Variants in ST7L observed in about 807,000 individuals in gnomAD.
The protein encoded by ST7L is suppression of tumorigenicity 7 like, also known as suppressor of tumorigenicity 7 protein-like.
A neutral mutation model predicts 72.5 loss-of-function variants in ST7L; 57 were observed. The ratio of observed to expected loss-of-function variants is 0.79; its 90% CI spans 0.64 to 0.98. The LOEUF is 0.98. Among genes scored for constraint, ST7L ranks in the 50% least tolerant of loss-of-function variants. The pLI is 0.00. For synonymous variants in ST7L, 221 were observed against 240.9 expected (o/e 0.92, Z 0.77); for missense variants, 576 against 672.2 (o/e 0.86, Z 1.58).
In ST7L at chr1:112,618,987, A is replaced by G. The variant is rs1171694807; in HGVS notation, c.127T>C (p.Ser43Pro). The G allele has an allele frequency of 1.2e-6, 2 of 1,611,408 alleles. No homozygotes were observed. The highest frequency in any genetic ancestry group is 3.3e-5 in the Admixed American group (2 of 59,738). Residue 43 changes from serine (S) to proline (P), a missense_variant, in exon 1 of 15, where the codon TCG becomes CCG. By Grantham distance (74) the Ser-to-Pro change is moderately conservative. Transcript: ENST00000358039. ...CCCAGCCCCGCCACGAACCACAACG[A>G]GGCCCCAGTCCCCGCCAGCCCGGCC... ...LRAGLAGTGA[S>P]LWFVAGLGLL...
intron 11 of ST7L, among the ~76,000 whole-genome samples, chr1:112,568,658 T>C (rs1661473858): frequency 6.7e-6 from 1 of 149,884 alleles, no homozygotes; most frequent in African/African-American, 2.4e-5. Flanking sequence ...AAGAATACCT[T>C]ATAATAAAAA....
chr1:112,592,052 C>T (rs182077151), intron 5 of ST7L, among the ~76,000 whole-genome samples: 4 of 149,738 alleles, frequency 2.7e-5, no homozygotes, highest in Admixed American at 2.0e-4. Context: ...ATTCACTCTA[C>T]GAAGAATGTA....
chr1:112,607,947 A>T lies in ST7L; in HGVS notation c.451+2894T>A, dbSNP rs1054717784. Among the ~76,000 whole-genome samples, 4 of 152,200 alleles carry T rather than the reference A, an allele frequency of 2.6e-5. No homozygotes were observed. The East Asian group carries it at 7.7e-4, about 29-fold the overall frequency. On this transcript the variant is annotated intron_variant, in intron 3 of 14. Transcript: ENST00000358039. ...CCCAGCATATATGTCTGTGGTAGCTAATATTATTGAATAAGATGAAGTTAT... is the reference window on the plus strand; with the variant it reads ...CCCAGCATATATGTCTGTGGTAGCTTATATTATTGAATAAGATGAAGTTAT...
In ST7L at chr1:112,584,033, T is replaced by A. The variant is rs1316430310; in HGVS notation, c.795A>T (p.Glu265Asp). ...RLFKQALKAGETIYRQSQQCQ... is the reference protein window; with the variant it reads ...RLFKQALKAGDTIYRQSQQCQ... ...ACTGCTGTGACTGCCTATAAATTGT[T>A]TCTCCTGCCTTGAGTGCCTGTTTAA... Residue 265 changes from glutamate (E) to aspartate (D), a missense_variant, in exon 7 of 15, where the codon GAA (glutamate) becomes GAT (aspartate). This residue lies in a region of ST7L where 511 missense variants were observed against 600.7 expected (regional missense o/e 0.85). Transcript: ENST00000358039. 1.9e-6 allele frequency: 3 copies of A among 1,614,084 alleles called. No homozygotes were observed. Among genetic ancestry groups the A allele is most frequent in the Non-Finnish European group, 2.5e-6 (3 of 1,180,042 alleles).
chr1:112,618,977 A>G lies in ST7L; in HGVS notation c.137T>C (p.Phe46Ser), dbSNP rs1670408830. The change falls in exon 1 of 15, where the codon TTC (phenylalanine) becomes TCC (serine). Residue 46 changes from phenylalanine to serine, a missense_variant. By Grantham distance (155) the Phe-to-Ser change is radical. This residue lies in a region of ST7L where 9 missense variants were observed against 25.6 expected (regional missense o/e 0.35). Transcript: ENST00000358039. The stretch of plus-strand genomic sequence containing the variant: ...GTAAAGCAGCCCCAGCCCCGCCACG[A>G]ACCACAACGAGGCCCCAGTCCCCGC... ...GLAGTGASLW[F>S]VAGLGLLYAL... 1 of 1,609,838 alleles carries G rather than the reference A, an allele frequency of 6.2e-7. No individual in the cohort carries two copies. Among genetic ancestry groups the G allele is most frequent in the Non-Finnish European group, 8.5e-7 (1 of 1,178,220 alleles).
intron 13 of ST7L, among the ~76,000 whole-genome samples, chr1:112,543,283 C>T (rs1481947374): frequency 6.6e-6 from 1 of 152,210 alleles, no homozygotes; most frequent in Non-Finnish European, 1.5e-5. Context: ...GGAGCAGTGG[C>T]TCACGCCTGT....
intron 14 of ST7L, among the ~76,000 whole-genome samples, chr1:112,541,614 A>T (rs1025987865): frequency 2.6e-5 from 4 of 152,236 alleles, no homozygotes; most frequent in Admixed American, 6.5e-5. Context: ...AAATGAAAAA[A>T]ATCAAAGGGT....
intron 3 of ST7L, among the ~76,000 whole-genome samples, chr1:112,608,021 A>AT (rs989526095): frequency 3.3e-5 from 5 of 151,934 alleles, no homozygotes; most frequent in East Asian, 1.9e-4. Flanking sequence ...CACTTAAAAA[A>AT]TTTTTTTTTC....
chr1:112,539,579 C>T, intron 14 of ST7L: 1 of 541,218 alleles, frequency 1.8e-6, no homozygotes, highest in Non-Finnish European at 2.3e-6. Context: ...CTGCTTGAAC[C>T]TAGAAGGCGG....
chr1:112,538,937 G>T (rs1254327082), intron 14 of ST7L, among the ~76,000 whole-genome samples: 1 of 152,086 alleles, frequency 6.6e-6, no homozygotes, highest in Non-Finnish European at 1.5e-5. Flanking sequence ...TACAACTAAG[G>T]GTAGAAAAGG....
chr1:112,556,248 G>C (rs1659098029), intron 11 of ST7L, among the ~76,000 whole-genome samples: 1 of 152,128 alleles, frequency 6.6e-6, no homozygotes, highest in Admixed American at 6.5e-5. Flanking sequence ...GGTGATAAAT[G>C]GCATATGTGT....
intron 2 of ST7L, among the ~76,000 whole-genome samples, chr1:112,611,915 A>G (rs1194610772): frequency 7.1e-6 from 1 of 141,210 alleles, no homozygotes. Flanking sequence ...GGCTGCAGTG[A>G]GCTGAGATTG....
intron 11 of ST7L, among the ~76,000 whole-genome samples, chr1:112,564,294 T>G (rs1660612025): frequency 6.6e-6 from 1 of 152,122 alleles, no homozygotes; most frequent in African/African-American, 2.4e-5. Flanking sequence ...GAGCCACACC[T>G]CAAGATATAA....
At chr1:112,612,271 T>A (rs1049417496) in intron 2 of ST7L, among the ~76,000 whole-genome samples, 5 of 152,164 alleles carry the variant, frequency 3.3e-5, no homozygotes, top group Admixed American at 2.6e-4. Context: ...CTAATTTTTA[T>A]GTTTTTTGTA....
chr1:112,537,415 T>G (rs1001759717), intron 14 of ST7L, among the ~76,000 whole-genome samples: 1 of 152,256 alleles, frequency 6.6e-6, no homozygotes, highest in South Asian at 2.1e-4. Flanking sequence ...CTTTAAGTCT[T>G]TTCACTGTTG....
chr1:112,558,698 T>C (rs947115216), intron 11 of ST7L, among the ~76,000 whole-genome samples: 1 of 152,258 alleles, frequency 6.6e-6, no homozygotes, highest in East Asian at 1.9e-4. Flanking sequence ...GTAGAGGTTG[T>C]GTCCTGGTCA....
chr1:112,576,293 T>C (rs1319014608), intron 11 of ST7L, among the ~76,000 whole-genome samples: 2 of 152,120 alleles, frequency 1.3e-5, no homozygotes, highest in African/African-American at 4.8e-5. Flanking sequence ...TCTCACCACA[T>C]TGCCCAGCCG....
chr1:112,578,252 G>T, intron 10 of ST7L, 93 bp downstream of exon 10: 1 of 1,225,224 alleles, frequency 8.2e-7, no homozygotes, highest in Non-Finnish European at 1.2e-6. Flanking sequence ...AGGAAGTAGA[G>T]TGGAAAACAG....
intron 3 of ST7L, among the ~76,000 whole-genome samples, chr1:112,605,630 C>T (rs1384959185): frequency 6.6e-6 from 1 of 151,968 alleles, no homozygotes; most frequent in Non-Finnish European, 1.5e-5. Flanking sequence ...GCAGAGGTTT[C>T]AGTGAGTCGA....
Sources: gnomAD v4.1 joint callset for allele counts (sites outside exome capture counted in the v4.1 genomes callset) on GRCh38, gnomAD v4.1.1 for gene constraint, gnomAD v4.1.1 regional missense constraint, MANE v1.5 for transcripts, NCBI Gene and HGNC (gene_info 2026-07-23, HGNC 2026-07-21) for gene names.